The following CDH20 variants were observed in gnomAD, a reference collection of about 807,000 sequenced individuals.
CDH20 encodes the protein cadherin 20, also known as cadherin-20.
Under a neutral mutation model 74.2 loss-of-function variants are expected in CDH20, and 29 were observed. The ratio of observed to expected loss-of-function variants is 0.39; its 90% CI spans 0.29 to 0.53. The LOEUF (loss-of-function observed/expected upper bound fraction) is 0.53, where lower values mean the gene tolerates loss of function less well. Ranked by LOEUF, CDH20 falls within the 20% of genes least tolerant of loss-of-function variation. The pLI, the probability that CDH20 is intolerant of heterozygous loss-of-function variation, is 0.69. For synonymous variants in CDH20, 469 were observed against 405.4 expected, an observed-to-expected ratio of 1.16 and a Z score of -1.88; for missense variants, 988 against 1,048.3, an observed-to-expected ratio of 0.94 and a Z score of 0.79.
chr18:61,494,640 C>T (rs1374686708), intron 2 of CDH20, among the ~76,000 whole-genome samples: 1 of 152,076 alleles, frequency 6.6e-6, no homozygotes, highest in Non-Finnish European at 1.5e-5. Flanking sequence ...GAGAGCTTGC[C>T]AGAGTATTTG....
intron 1 of CDH20, among the ~76,000 whole-genome samples, chr18:61,422,050 A>G (rs913711622): frequency 2.0e-5 from 3 of 152,210 alleles, no homozygotes; most frequent in African/African-American, 7.2e-5. Context: ...CAAAAGAAGC[A>G]TACTGATTTG....
chr18:61,484,119 C>CA (rs1057180393), intron 1 of CDH20, among the ~76,000 whole-genome samples: 61 of 152,312 alleles, frequency 4.0e-4, no homozygotes, highest in African/African-American at 1.3e-3. Context: ...CAATTACTTG[C>CA]AACTTCTTAA....
intron 1 of CDH20, among the ~76,000 whole-genome samples, chr18:61,470,906 T>C (rs912552662): frequency 2.0e-5 from 3 of 151,878 alleles, no homozygotes; most frequent in African/African-American, 4.8e-5. Flanking sequence ...TCTCTCTCCC[T>C]CCACTAAGCC....
intron 1 of CDH20, among the ~76,000 whole-genome samples, chr18:61,366,046 A>G (rs1910847675): frequency 6.6e-6 from 1 of 152,174 alleles, no homozygotes; most frequent in Non-Finnish European, 1.5e-5. Flanking sequence ...TTTCATATGC[A>G]TTATCTAATT....
intron 1 of CDH20, among the ~76,000 whole-genome samples, chr18:61,482,225 GCC>G (rs1303117877): frequency 3.9e-5 from 6 of 152,090 alleles, no homozygotes; most frequent in Non-Finnish European, 1.5e-5. Context: ...GAAAGTTCCT[GCC>G]TCTTTAAATA....
intron 1 of CDH20, among the ~76,000 whole-genome samples, chr18:61,470,858 C>A (rs974180451): frequency 6.6e-5 from 10 of 151,748 alleles, no homozygotes; most frequent in African/African-American, 1.9e-4. Context: ...ATTATATGAG[C>A]CTTCTTCTAT....
intron 9 of CDH20, among the ~76,000 whole-genome samples, chr18:61,540,584 C>T (rs1912997896): frequency 6.6e-6 from 1 of 152,102 alleles, no homozygotes; most frequent in African/African-American, 2.4e-5. Flanking sequence ...ACCATGAAAA[C>T]AGTATGGGGG....
chr18:61,554,377 G>A lies in CDH20; in HGVS notation c.2088G>A (p.Lys696=), dbSNP rs372338334. Reference sequence around the variant, plus strand: ...AGGCGCAGGCGGGGGCCGCCCCCAAGACGCGGCAGGACATGCTGCCCGAGA... The same window carrying A: ...AGGCGCAGGCGGGGGCCGCCCCCAAAACGCGGCAGGACATGCTGCCCGAGA... The part of the protein sequence containing the change: ...PREAQAGAAP[K]TRQDMLPEIE... Residue 696 remains lysine, a synonymous_variant, in exon 12 of 12, where the codon AAG becomes AAA. Transcript: ENST00000262717. The A allele has an allele frequency of 1.3e-5, 21 of 1,612,796 alleles. No individual in the cohort carries two copies. In the African/African-American group the frequency reaches 2.5e-4, roughly 19 times the overall value.
At chr18:61,357,772 C>T (rs1264385224) in intron 1 of CDH20, among the ~76,000 whole-genome samples, 1 of 152,042 alleles carries the variant, frequency 6.6e-6, no homozygotes, top group Non-Finnish European at 1.5e-5. Context: ...GACCCCCAAA[C>T]ACAAATTTTG....
At chr18:61,349,427 C>T (rs1299077135) in intron 1 of CDH20, among the ~76,000 whole-genome samples, 2 of 152,126 alleles carry the variant, frequency 1.3e-5, no homozygotes, top group Non-Finnish European at 2.9e-5. Flanking sequence ...TATGAGACAT[C>T]CAGGAAATAG....
chr18:61,520,942 A>G (rs1218190206), intron 6 of CDH20, among the ~76,000 whole-genome samples: 1 of 151,284 alleles, frequency 6.6e-6, no homozygotes, highest in African/African-American at 2.5e-5. Context: ...AGGGAAATTT[A>G]TAACACTAAA....
intron 1 of CDH20, among the ~76,000 whole-genome samples, chr18:61,442,236 A>G (rs1288160464): frequency 5.3e-5 from 8 of 152,086 alleles, no homozygotes; most frequent in African/African-American, 1.9e-4. Context: ...CTGTAGTCCC[A>G]GCTACTTGGG....
rs1910926690 is a variant in CDH20, at chr18:61,490,658, C to T, written c.105C>T (p.Asp35=). 4 of 1,614,080 alleles carry T rather than the reference C, an allele frequency of 2.5e-6. No individual in the cohort carries two copies. The highest frequency in any genetic ancestry group is 3.4e-6 in the Non-Finnish European group (4 of 1,180,016). ...LMDLTTTVLS[D]TPTPQGELEA... is the part of the protein sequence containing the mutation. ...ACCTTACGACCACCGTTCTCTCGGA[C>T]ACCCCAACACCACAAGGTGAATTAG... Residue 35 remains aspartate (D), a synonymous_variant, in exon 2 of 12, where the codon GAC becomes GAT. Coordinates refer to ENST00000262717, the MANE Select transcript of CDH20 (RefSeq NM_031891.4).
At position 61,554,209 on chromosome 18, in the gene CDH20, G is replaced by A. The variant is rs771372787; in HGVS notation, c.1920G>A (p.Leu640=). Residue 640 remains leucine, a synonymous_variant, in exon 12 of 12, where the codon TTG becomes TTA. Coordinates refer to ENST00000262717, the MANE Select transcript of CDH20 (RefSeq NM_031891.4). ...TGGCAGTGCTGGTGTTGCTCATTTT[G>A]TCCATGAGGCGGCACCGGAAACAAC... is the stretch of plus-strand genomic sequence containing the variant. ...FVLLVLVLLI[L]SMRRHRKQPY... 2 of 1,611,636 alleles carry A rather than the reference G, an allele frequency of 1.2e-6. No homozygotes were observed. Among genetic ancestry groups the A allele is most frequent in the Non-Finnish European group, 1.7e-6 (2 of 1,178,084 alleles).
intron 1 of CDH20, among the ~76,000 whole-genome samples, chr18:61,421,827 G>T (rs1912891224): frequency 6.6e-6 from 1 of 151,940 alleles, no homozygotes; most frequent in South Asian, 2.1e-4. Context: ...TTTTCCAGAG[G>T]GGCACATAAC....
intron 1 of CDH20, among the ~76,000 whole-genome samples, chr18:61,419,571 C>T (rs1270483721): frequency 6.6e-6 from 1 of 152,194 alleles, no homozygotes; most frequent in African/African-American, 2.4e-5. Context: ...CTCACATTCT[C>T]ACTAATACTT....
chr18:61,480,991 T>G (rs915349867), intron 1 of CDH20, among the ~76,000 whole-genome samples: 1 of 152,198 alleles, frequency 6.6e-6, no homozygotes, highest in Non-Finnish European at 1.5e-5. Context: ...AGTATGGGAA[T>G]ACACTGATTA....
chr18:61,551,265 C>T (rs1187191738), intron 11 of CDH20, among the ~76,000 whole-genome samples: 1 of 152,162 alleles, frequency 6.6e-6, no homozygotes, highest in Non-Finnish European at 1.5e-5. Context: ...TAATCTATAG[C>T]ATATATATCA....
chr18:61,512,674 A>G (rs1911826884), intron 6 of CDH20, among the ~76,000 whole-genome samples: 1 of 152,100 alleles, frequency 6.6e-6, no homozygotes, highest in South Asian at 2.1e-4. Context: ...AGACATTTTA[A>G]TGTGTCCCAG....
Sources: allele counts gnomAD v4.1 joint callset (sites outside exome capture counted in the v4.1 genomes callset), GRCh38; gene constraint gnomAD v4.1.1; transcripts MANE v1.5; gene names NCBI Gene and HGNC (gene_info 2026-07-23, HGNC 2026-07-21).